The following LTBP1 variants were observed in gnomAD, a reference collection of about 807,000 sequenced individuals.
LTBP1 encodes the protein latent transforming growth factor beta binding protein 1, also known as latent-transforming growth factor beta-binding protein 1.
In LTBP1, 129 loss-of-function variants were observed where a neutral mutation model predicts 207.6. The observed-to-expected ratio is 0.62, with a 90% CI of 0.54 to 0.72. LTBP1 has a LOEUF of 0.72. Among genes scored for constraint, LTBP1 ranks in the 30% least tolerant of loss-of-function variants. The probability of loss-of-function intolerance (pLI) is 0.00; values close to 1 mark genes in which losing one functional copy is unlikely to be tolerated. For missense variants in LTBP1, 2,281 were observed against 2,217.2 expected, an observed-to-expected ratio of 1.03 and a Z score of -0.58; for synonymous variants, 963 against 833.7, an observed-to-expected ratio of 1.16 and a Z score of -2.67.
chr2:33,280,694 A>T (rs917933277), intron 19 of LTBP1, among the ~76,000 whole-genome samples: 6 of 152,020 alleles, frequency 3.9e-5, no homozygotes, highest in African/African-American at 1.4e-4. Context: ...ACTCTTTTCC[A>T]CTCCATACCA....
chr2:33,065,782 A>G (rs768309994), intron 3 of LTBP1, among the ~76,000 whole-genome samples: 5 of 152,168 alleles, frequency 3.3e-5, no homozygotes, highest in Admixed American at 6.5e-5. Context: ...TGGGTTTTCT[A>G]TCTTTCTTAA....
At chr2:33,347,142 C>T (rs1489226464) in intron 25 of LTBP1, among the ~76,000 whole-genome samples, 1 of 135,966 alleles carries the variant, frequency 7.4e-6, no homozygotes, top group Non-Finnish European at 1.6e-5. Context: ...AAAAAAAAAA[C>T]CTAAATTCGG....
chr2:33,208,083 T>G (rs1009576445), intron 7 of LTBP1, among the ~76,000 whole-genome samples: 1 of 152,266 alleles, frequency 6.6e-6, no homozygotes, highest in Non-Finnish European at 1.5e-5. Context: ...AAAATAGGAT[T>G]AACATTCCTC....
At chr2:33,316,549 G>A (rs2094275851) in intron 24 of LTBP1, among the ~76,000 whole-genome samples, 1 of 152,154 alleles carries the variant, frequency 6.6e-6, no homozygotes. Flanking sequence ...CTAGAACTGG[G>A]AGAGAGAGAG....
At chr2:33,101,154 A>C (rs1428273394) in intron 3 of LTBP1, among the ~76,000 whole-genome samples, 1 of 152,202 alleles carries the variant, frequency 6.6e-6, no homozygotes, top group Non-Finnish European at 1.5e-5. Context: ...TGACTCTTAC[A>C]AACTCATTAG....
At chr2:33,315,923 G>A (rs2094264859) in intron 24 of LTBP1, among the ~76,000 whole-genome samples, 1 of 152,146 alleles carries the variant, frequency 6.6e-6, no homozygotes, top group South Asian at 2.1e-4. Context: ...GGCGACAAGA[G>A]TAAGACTCCG....
At chr2:33,351,277 G>T (rs1267403740) in intron 26 of LTBP1, among the ~76,000 whole-genome samples, 1 of 152,124 alleles carries the variant, frequency 6.6e-6, no homozygotes, top group Non-Finnish European at 1.5e-5. Flanking sequence ...GAGGCCCAGA[G>T]AAACATCTGA....
chr2:33,085,359 T>G (rs2078689656), intron 3 of LTBP1, among the ~76,000 whole-genome samples: 1 of 152,226 alleles, frequency 6.6e-6, no homozygotes, highest in Non-Finnish European at 1.5e-5. Context: ...AACATTTTTC[T>G]TATTATGAGA....
At chr2:33,171,379 G>A (rs200131928) in intron 5 of LTBP1, among the ~76,000 whole-genome samples, 29 of 147,534 alleles carry the variant, frequency 2.0e-4, no homozygotes, top group South Asian at 6.5e-4. Context: ...CTCAGGAGCC[G>A]ATGCGATCAA....
intron 22 of LTBP1, among the ~76,000 whole-genome samples, chr2:33,308,042 C>A (rs1174170318): frequency 6.6e-6 from 1 of 152,200 alleles, no homozygotes; most frequent in Non-Finnish European, 1.5e-5. Flanking sequence ...GCAGCAATTA[C>A]AATTATTTGC....
intron 24 of LTBP1, among the ~76,000 whole-genome samples, chr2:33,334,093 G>A (rs998120013): frequency 6.6e-6 from 1 of 152,222 alleles, no homozygotes; most frequent in East Asian, 1.9e-4. Flanking sequence ...TTACAAAATG[G>A]TGACCTTATC....
Position 33,134,721 on chromosome 2 carries a change from C to T in LTBP1, c.1034-72C>T, listed in dbSNP as rs1238341407. Reference sequence around the variant, plus strand: ...TTTTCTTTTTTTCTGTTTTTTTAAACCTTCCAAGGCAAGTTCATGGATACT... The same window carrying T: ...TTTTCTTTTTTTCTGTTTTTTTAAATCTTCCAAGGCAAGTTCATGGATACT... On this transcript the variant is annotated intron_variant, in intron 4 of 33. Transcript: ENST00000404816. This position sits in a 1 kb window ranked among gnomAD's most constrained non-coding sequence, Gnocchi z 4.4. The T allele has an allele frequency of 2.5e-6, 4 of 1,608,728 alleles. No individual in the cohort carries two copies. In the South Asian group the frequency reaches 3.3e-5, roughly 13 times the overall value.
At chr2:33,325,573 C>A (rs907145637) in intron 24 of LTBP1, among the ~76,000 whole-genome samples, 2 of 152,040 alleles carry the variant, frequency 1.3e-5, no homozygotes. Context: ...ACATTAATTC[C>A]GAGACTATCC....
intron 3 of LTBP1, among the ~76,000 whole-genome samples, chr2:33,079,923 G>T (rs2149851892): frequency 8.0e-6 from 1 of 125,762 alleles, no homozygotes; most frequent in South Asian, 3.0e-4. Flanking sequence ...TTCTTTCTCT[G>T]TGTTCCAAAT....
chr2:33,026,757 G>A (rs780212363), intron 3 of LTBP1, among the ~76,000 whole-genome samples: 21 of 152,286 alleles, frequency 1.4e-4, no homozygotes, highest in Admixed American at 7.2e-4. Context: ...TGATTTTATC[G>A]TGTTATACAT....
intron 5 of LTBP1, among the ~76,000 whole-genome samples, chr2:33,184,260 A>C (rs990004676): frequency 3.3e-5 from 5 of 152,142 alleles, no homozygotes; most frequent in Non-Finnish European, 7.4e-5. Context: ...CCTCTGCTTG[A>C]AGCCTCCAAA....
chr2:33,107,827 C>A (rs1198152200), intron 3 of LTBP1, among the ~76,000 whole-genome samples: 1 of 151,464 alleles, frequency 6.6e-6, no homozygotes, highest in Non-Finnish European at 1.5e-5. Context: ...ATTTTCTCTT[C>A]AAAAGTTTAG....
intron 3 of LTBP1, among the ~76,000 whole-genome samples, chr2:33,031,523 T>G (rs1309649371): frequency 6.6e-6 from 1 of 152,164 alleles, no homozygotes; most frequent in Non-Finnish European, 1.5e-5. Flanking sequence ...GCATAATACC[T>G]AATAAGCTGC....
At chr2:33,230,918 C>G (rs2091749191) in intron 9 of LTBP1, among the ~76,000 whole-genome samples, 1 of 152,134 alleles carries the variant, frequency 6.6e-6, no homozygotes, top group African/African-American at 2.4e-5. Flanking sequence ...ACCACAGTAC[C>G]TCAGTACGTG....
Sources: gnomAD v4.1 joint callset for allele counts (sites outside exome capture counted in the v4.1 genomes callset) on GRCh38, gnomAD v4.1.1 for gene constraint, Gnocchi (gnomAD v3.1) non-coding constraint, MANE v1.5 for transcripts, NCBI Gene and HGNC (gene_info 2026-07-23, HGNC 2026-07-21) for gene names.